Variants in ATXN7L1 observed in about 807,000 individuals in gnomAD.
ATXN7L1 encodes the protein ataxin 7 like 1, also known as ataxin-7-like protein 1.
ATXN7L1 carries 15 observed loss-of-function variants against 70.8 expected under a neutral mutation model. The observed-to-expected ratio is 0.21, with a 90% confidence interval of 0.14 to 0.33. The LOEUF (loss-of-function observed/expected upper bound fraction) is 0.33. Among genes scored for constraint, ATXN7L1 ranks in the 10% least tolerant of loss-of-function variants. The probability of loss-of-function intolerance (pLI) is 1.00; values close to 1 mark genes in which losing one functional copy is unlikely to be tolerated. For synonymous variants in ATXN7L1, 440 were observed against 445.1 expected, an observed-to-expected ratio of 0.99 and a Z score of 0.14; for missense variants, 975 against 1,097.1, an observed-to-expected ratio of 0.89 and a Z score of 1.57.
At chr7:105,685,909 C>G (rs915059819) in intron 3 of ATXN7L1, among the ~76,000 whole-genome samples, 1 of 152,172 alleles carries the variant, frequency 6.6e-6, no homozygotes, top group Non-Finnish European at 1.5e-5. Context: ...AAACATTTTG[C>G]AAAGCATGGT....
intron 2 of ATXN7L1, among the ~76,000 whole-genome samples, chr7:105,829,040 T>TTTCACTAGGG (rs1811233344): frequency 6.6e-6 from 1 of 152,092 alleles, no homozygotes; most frequent in African/African-American, 2.4e-5. Flanking sequence ...GATAAGCAAA[T>TTTCACTAGGG]ATGTAGCTCC....
intron 3 of ATXN7L1, among the ~76,000 whole-genome samples, chr7:105,695,003 T>C (rs1791523707): frequency 6.6e-6 from 1 of 152,060 alleles, no homozygotes; most frequent in Admixed American, 6.5e-5. Flanking sequence ...ATACAAAAAT[T>C]AGTTGGGCGT....
chr7:105,708,091 A>G (rs780554149), intron 3 of ATXN7L1, among the ~76,000 whole-genome samples: 3 of 152,238 alleles, frequency 2.0e-5, no homozygotes, highest in Non-Finnish European at 4.4e-5. Flanking sequence ...TTTATCTCTG[A>G]TCTAAGAGGA....
At chr7:105,682,840 T>C (rs1158144394) in intron 3 of ATXN7L1, among the ~76,000 whole-genome samples, 1 of 152,172 alleles carries the variant, frequency 6.6e-6, no homozygotes, top group Non-Finnish European at 1.5e-5. Flanking sequence ...TGGAGTGTGA[T>C]GAAACATTTT....
Position 105,638,488 on chromosome 7 carries a change from G to A in ATXN7L1, c.1067C>T (p.Thr356Ile). The change falls in exon 7 of 12, where the codon ACT becomes ATT. Residue 356 changes from threonine to isoleucine, a missense_variant. Thr to Ile is a moderately conservative substitution (Grantham distance 89). Around this residue, in one of 5 missense-constraint regions of ATXN7L1, gnomAD observed 635 missense variants for 699.4 expected, o/e 0.91. Coordinates refer to ENST00000419735, the MANE Select transcript of ATXN7L1 (RefSeq NM_020725.2). Reference protein sequence around the residue: ...KEVKDKEHLLTSTREILPSQS... With the variant: ...KEVKDKEHLLISTREILPSQS... ...GCTTGGAAGTATTTCCCTCGTGGAA[G>A]TCAGGAGATGCTCTTTATCTTTAAC... 1.3e-6 allele frequency: 2 copies of A among 1,552,348 alleles called. No individual in the cohort carries two copies. Among genetic ancestry groups the A allele is most frequent in the Non-Finnish European group, 1.7e-6 (2 of 1,147,146 alleles).
intron 3 of ATXN7L1, among the ~76,000 whole-genome samples, chr7:105,736,543 T>C (rs1386771578): frequency 6.6e-6 from 1 of 152,214 alleles, no homozygotes; most frequent in Non-Finnish European, 1.5e-5. Context: ...ATGGGAGATT[T>C]GGCACATCTA....
intron 3 of ATXN7L1, among the ~76,000 whole-genome samples, chr7:105,758,921 C>T (rs901130619): frequency 1.1e-4 from 16 of 152,140 alleles, no homozygotes; most frequent in Admixed American, 9.8e-4. Flanking sequence ...GAGACAGGCA[C>T]GATTCTGTCT....
At chr7:105,692,155 G>C (rs1366564199) in intron 3 of ATXN7L1, among the ~76,000 whole-genome samples, 1 of 152,000 alleles carries the variant, frequency 6.6e-6, no homozygotes, top group Non-Finnish European at 1.5e-5. Context: ...TTTTCAGAGA[G>C]AACTGGTTGG....
At chr7:105,688,666 T>C (rs2116187029) in intron 3 of ATXN7L1, among the ~76,000 whole-genome samples, 1 of 152,346 alleles carries the variant, frequency 6.6e-6, no homozygotes, top group South Asian at 2.1e-4. Context: ...AAGACTCTTT[T>C]CGCCTCATTT....
chr7:105,673,958 G>A (rs1045947741), intron 3 of ATXN7L1, among the ~76,000 whole-genome samples: 1 of 152,226 alleles, frequency 6.6e-6, no homozygotes, highest in Non-Finnish European at 1.5e-5. Flanking sequence ...GGAAAGTCAG[G>A]TGATAGGACA....
chr7:105,844,261 T>C (rs1813644526), intron 2 of ATXN7L1, among the ~76,000 whole-genome samples: 1 of 152,152 alleles, frequency 6.6e-6, no homozygotes, highest in South Asian at 2.1e-4. Context: ...TTGAGGCTAG[T>C]ATCACCTTAC....
chr7:105,682,702 T>G (rs1163814558), intron 3 of ATXN7L1, among the ~76,000 whole-genome samples: 1 of 152,124 alleles, frequency 6.6e-6, no homozygotes, highest in Non-Finnish European at 1.5e-5. Flanking sequence ...ATATATAGTA[T>G]GATTCCATTT....
At chr7:105,686,054 C>T (rs1199759863) in intron 3 of ATXN7L1, among the ~76,000 whole-genome samples, 1 of 151,982 alleles carries the variant, frequency 6.6e-6, no homozygotes, top group Non-Finnish European at 1.5e-5. Context: ...CAATAACTAA[C>T]ATAAATGAAT....
chr7:105,800,591 T>TC (rs1806664626), intron 2 of ATXN7L1, among the ~76,000 whole-genome samples: 2 of 152,170 alleles, frequency 1.3e-5, no homozygotes, highest in African/African-American at 4.8e-5. Context: ...AGAAACGTAC[T>TC]CAAATGCTTA....
At chr7:105,819,753 G>A (rs1003433542) in intron 2 of ATXN7L1, 3 of 736,796 alleles carry the variant, frequency 4.1e-6, no homozygotes, top group Middle Eastern at 3.6e-4. Flanking sequence ...GAGGCATGTT[G>A]CCCCACAAGA....
At chr7:105,821,292 G>A (rs1810121091) in intron 2 of ATXN7L1, among the ~76,000 whole-genome samples, 1 of 152,188 alleles carries the variant, frequency 6.6e-6, no homozygotes, top group Admixed American at 6.5e-5. Context: ...ACCTGCCTCA[G>A]CCTCCCAAAG....
intron 3 of ATXN7L1, among the ~76,000 whole-genome samples, chr7:105,746,881 T>C (rs1277117900): frequency 6.6e-6 from 1 of 152,248 alleles, no homozygotes; most frequent in Non-Finnish European, 1.5e-5. Flanking sequence ...CAGCCTTGCC[T>C]TCTGCAATGG....
chr7:105,653,388 C>T (rs1394105221), intron 4 of ATXN7L1, among the ~76,000 whole-genome samples: 1 of 152,164 alleles, frequency 6.6e-6, no homozygotes, highest in Non-Finnish European at 1.5e-5. Context: ...ATGGAGGCTA[C>T]AGTGAGCCGA....
At chr7:105,799,016 T>C (rs1388614920) in intron 2 of ATXN7L1, among the ~76,000 whole-genome samples, 2 of 152,182 alleles carry the variant, frequency 1.3e-5, no homozygotes, top group African/African-American at 2.4e-5. Flanking sequence ...ATGGACCAAA[T>C]AGCCTCAGGA....
Sources: gnomAD v4.1 joint callset for allele counts (sites outside exome capture counted in the v4.1 genomes callset) on GRCh38, gnomAD v4.1.1 for gene constraint, gnomAD v4.1.1 regional missense constraint, MANE v1.5 for transcripts, NCBI Gene and HGNC (gene_info 2026-07-23, HGNC 2026-07-21) for gene names.